NUP93: variants seen among roughly 807,000 people sequenced by gnomAD.
The protein encoded by NUP93 is nuclear pore complex protein Nup93.
NUP93 carries 55 observed loss-of-function variants against 107.8 expected under a neutral mutation model. The ratio of observed to expected loss-of-function variants is 0.51; its 90% confidence interval spans 0.41 to 0.64. The LOEUF is 0.64. Ranked by LOEUF, NUP93 falls within the 30% of genes least tolerant of loss-of-function variation. NUP93 has a pLI of 0.00. For missense variants in NUP93, 937 were observed against 1,044.7 expected (o/e 0.90, Z 1.42); for synonymous variants, 390 against 397.5 (o/e 0.98, Z 0.22).
chr16:56,815,899 G>GGTGCTGCTGCTGCTGGTGGTGC (rs1555495759), intron 5 of NUP93, among the ~76,000 whole-genome samples: 1 of 95,984 alleles, frequency 1.0e-5, no homozygotes, highest in Non-Finnish European at 2.2e-5. Flanking sequence ...GCTGCTGCTG[G>GGTGCTGCTGCTGCTGGTGGTGC]TGCTGCTGCT....
intron 21 of NUP93, chr16:56,842,728 C>A: frequency 2.6e-6 from 1 of 380,724 alleles, no homozygotes; most frequent in Non-Finnish European, 5.1e-6. Flanking sequence ...GAGTTTTGTA[C>A]TTTATATAGA....
chr16:56,825,205 C>CTTTTTTT (rs34378384), intron 8 of NUP93, among the ~76,000 whole-genome samples: 5 of 76,362 alleles, frequency 6.5e-5, no homozygotes, highest in East Asian at 5.1e-4. Context: ...CCATACCCAG[C>CTTTTTTT]TTTTTTTTTT....
In NUP93 at chr16:56,836,163, T is replaced by A. The variant is rs1162011529; in HGVS notation, c.1783-438T>A. ...AAAAAAGAAATGTCCTGTTACCACT[T>A]GCTGTGTGTTTTTTCAGCACTGAGT... On this transcript the variant is annotated intron_variant, in intron 16 of 21. Transcript: ENST00000308159. Among the ~76,000 whole-genome samples, 4 of 143,040 alleles carry A rather than the reference T, an allele frequency of 2.8e-5. No homozygotes were observed. In the East Asian group the frequency reaches 7.8e-4, roughly 28 times the overall value. 93.8% of individuals were successfully genotyped at this position (143,040 alleles called of 152,430 possible).
chr16:56,832,188 A>G, intron 11 of NUP93, 107 bp from the exon 12 acceptor site: 1 of 1,250,228 alleles, frequency 8.0e-7, no homozygotes, highest in Non-Finnish European at 1.2e-6. Flanking sequence ...CCTTAAACAC[A>G]GCTTCTAGCT....
intron 3 of NUP93, among the ~76,000 whole-genome samples, chr16:56,773,514 C>G (rs190395971): frequency 6.6e-6 from 1 of 152,190 alleles, no homozygotes; most frequent in African/African-American, 2.4e-5. Context: ...TCCTCCATTC[C>G]TCTCCTGCCC....
intron 5 of NUP93, among the ~76,000 whole-genome samples, chr16:56,810,193 A>G (rs1432122261): frequency 4.6e-5 from 7 of 152,220 alleles, no homozygotes; most frequent in African/African-American, 1.7e-4. Context: ...TAGTTTGTAA[A>G]TGTTGGCAAG....
At chr16:56,740,394 C>T (rs1286603562) in intron 1 of NUP93, among the ~76,000 whole-genome samples, 314 of 150,862 alleles carry the variant, frequency 2.1e-3, no homozygotes, top group Non-Finnish European at 1.8e-3. Context: ...GATGGGGCGG[C>T]GGGGCAGAGG....
At chr16:56,784,192 T>TAAGTG (rs1962576789) in intron 3 of NUP93, among the ~76,000 whole-genome samples, 1 of 152,222 alleles carries the variant, frequency 6.6e-6, no homozygotes, top group Non-Finnish European at 1.5e-5. Flanking sequence ...ATAGTAAATT[T>TAAGTG]AAAAGAGTTC....
chr16:56,798,411 C>G, intron 3 of NUP93, 65 bp from the exon 4 acceptor site: 3 of 1,359,412 alleles, frequency 2.2e-6, no homozygotes, highest in Non-Finnish European at 2.1e-6. Context: ...ATTGTTTGCC[C>G]TGCAGTATAC....
intron 2 of NUP93, among the ~76,000 whole-genome samples, chr16:56,749,994 G>A (rs1317930501): frequency 6.6e-6 from 1 of 152,218 alleles, no homozygotes; most frequent in Non-Finnish European, 1.5e-5. Context: ...CCAGTCTTGA[G>A]CATGCAGGCT....
chr16:56,788,285 C>T (rs193179972), intron 3 of NUP93, among the ~76,000 whole-genome samples: 2 of 152,270 alleles, frequency 1.3e-5, no homozygotes, highest in African/African-American at 4.8e-5. Context: ...GCATCACGGC[C>T]CTTCTCACTA....
chr16:56,758,193 A>G (rs1437122251), intron 2 of NUP93, among the ~76,000 whole-genome samples: 4 of 152,162 alleles, frequency 2.6e-5, no homozygotes, highest in Non-Finnish European at 5.9e-5. Context: ...TCTCTCATCC[A>G]TAAAATGGGG....
At chr16:56,759,878 G>C (rs751079800) in intron 3 of NUP93, among the ~76,000 whole-genome samples, 4 of 152,018 alleles carry the variant, frequency 2.6e-5, no homozygotes, top group Non-Finnish European at 5.9e-5. Flanking sequence ...GAAATTGTTT[G>C]TTTGAAAAAC....
In NUP93 at chr16:56,765,356, G is replaced by C. The variant is rs550428017; in HGVS notation, c.297+6701G>C. 2.8e-4 allele frequency among the ~76,000 whole-genome samples: 43 copies of C among 152,184 alleles called. No individual in the cohort carries two copies. In the East Asian group the frequency reaches 6.0e-3, roughly 21 times the overall value. ...GGATGTTCATGATACCCTTTCTTTTGAGTTTTTAGAGGGATTTAATGGATA... is the reference window on the plus strand; with the variant it reads ...GGATGTTCATGATACCCTTTCTTTTCAGTTTTTAGAGGGATTTAATGGATA... On this transcript the variant is annotated intron_variant, in intron 3 of 21. Coordinates refer to ENST00000308159, the MANE Select transcript of NUP93 (RefSeq NM_014669.5).
intron 3 of NUP93, among the ~76,000 whole-genome samples, chr16:56,785,218 G>A (rs1437846439): frequency 1.3e-5 from 2 of 152,170 alleles, no homozygotes; most frequent in Non-Finnish European, 2.9e-5. Flanking sequence ...GACATGGGGG[G>A]TATCACAGAG....
At position 56,794,415 on chromosome 16, in the gene NUP93, A is replaced by T. The variant is rs1479840407; in HGVS notation, c.298-4061A>T. 1.9e-4 allele frequency among the ~76,000 whole-genome samples: 22 copies of T among 115,488 alleles called. No individual in the cohort carries two copies. In the Admixed American group the frequency reaches 2.0e-3, roughly 10 times the overall value. 75.8% of individuals were successfully genotyped at this position (115,488 alleles called of 152,430 possible). ...AAATGCAGCTTTATAGTAAATAAAG[A>T]CCAGAGTAATCTATCCCAAAACAAT... On this transcript the variant is annotated intron_variant, in intron 3 of 21. Coordinates refer to ENST00000308159, the MANE Select transcript of NUP93 (RefSeq NM_014669.5).
chr16:56,748,394 A>G lies in NUP93; in HGVS notation c.147A>G (p.Thr49=). The change falls in exon 2 of 22, where the codon ACA becomes ACG. Residue 49 remains threonine, a synonymous_variant. Coordinates refer to ENST00000308159, the MANE Select transcript of NUP93 (RefSeq NM_014669.5). ...AGERLRSRTL[T]RTSQETADVK... Reference sequence around the variant, plus strand: ...AGCGCCTGCGTTCCCGTACCCTAACACGCACGTCCCAGGAGACGGCAGATG... The same window carrying G: ...AGCGCCTGCGTTCCCGTACCCTAACGCGCACGTCCCAGGAGACGGCAGATG... 1 of 1,613,848 alleles carries G rather than the reference A, an allele frequency of 6.2e-7. No individual in the cohort carries two copies. The highest frequency in any genetic ancestry group is 1.7e-5 in the Admixed American group (1 of 60,016).
chr16:56,817,511 G>A (rs1166137628), intron 5 of NUP93, among the ~76,000 whole-genome samples: 1 of 152,098 alleles, frequency 6.6e-6, no homozygotes, highest in Admixed American at 6.5e-5. Flanking sequence ...TTTTATAAAT[G>A]AGATAAGCTT....
At chr16:56,797,393 G>A (rs1168323053) in intron 3 of NUP93, among the ~76,000 whole-genome samples, 1 of 152,164 alleles carries the variant, frequency 6.6e-6, no homozygotes, top group African/African-American at 2.4e-5. Context: ...TCAATTGATG[G>A]GTCATCTTCC....
Sources: allele counts gnomAD v4.1 joint callset (sites outside exome capture counted in the v4.1 genomes callset), GRCh38; gene constraint gnomAD v4.1.1; transcripts MANE v1.5; gene names NCBI Gene and HGNC (gene_info 2026-07-23, HGNC 2026-07-21).